VWF: variants seen among roughly 807,000 people sequenced by gnomAD.
VWF encodes von Willebrand factor.
A neutral mutation model predicts 308.6 loss-of-function variants in VWF; 176 were observed. The observed-to-expected ratio is 0.57, with a 90% confidence interval of 0.50 to 0.65. The LOEUF (loss-of-function observed/expected upper bound fraction) is 0.65, where lower values mean the gene tolerates loss of function less well. Ranked by LOEUF, VWF falls within the 30% of genes least tolerant of loss-of-function variation. VWF has a pLI of 0.00. For missense variants in VWF, 3,146 were observed against 3,648.2 expected (o/e 0.86, Z 3.55); for synonymous variants, 1,385 against 1,443.4 (o/e 0.96, Z 0.92).
At chr12:6,050,685 C>T (rs926469511) in intron 16 of VWF, among the ~76,000 whole-genome samples, 4 of 152,196 alleles carry the variant, frequency 2.6e-5, no homozygotes, top group East Asian at 1.9e-4. Context: ...CCAGGCTGGG[C>T]GTGGTGGCTC....
chr12:6,024,502 A>G lies in VWF; in HGVS notation c.3223-715T>C, dbSNP rs115725158. ...AGATGCCCAGGATTTCCACCAAACC[A>G]GGGAATGTAAGTATCCTTTGGAGTC... On this transcript the variant is annotated intron_variant, in intron 24 of 51. Coordinates refer to ENST00000261405, the MANE Select transcript of VWF (RefSeq NM_000552.5). The surrounding 1 kb of genome is among the most constrained non-coding windows in gnomAD (Gnocchi z 4.0). 4.2e-3 allele frequency among the ~76,000 whole-genome samples: 638 copies of G among 152,322 alleles called. 1 individual carries two copies. Among genetic ancestry groups the G allele is most frequent in the African/African-American group, 0.014 (600 of 41,578 alleles).
At chr12:6,056,755 C>A in intron 15 of VWF, 102 bp downstream of exon 15, 2 of 1,056,994 alleles carry the variant, frequency 1.9e-6, no homozygotes, top group Admixed American at 4.3e-5. Flanking sequence ...ATGCCCTACG[C>A]CCTCTTTCCA....
chr12:5,989,209 T>C (rs1943711117), intron 38 of VWF, among the ~76,000 whole-genome samples: 1 of 152,184 alleles, frequency 6.6e-6, no homozygotes, highest in African/African-American at 2.4e-5. Context: ...CTGATCCTAC[T>C]CCAAAGACTC....
chr12:6,112,106 G>A (rs770442397), intron 3 of VWF, among the ~76,000 whole-genome samples: 7 of 152,138 alleles, frequency 4.6e-5, no homozygotes, highest in African/African-American at 1.4e-4. Flanking sequence ...TTTACAGATC[G>A]TGTGGGTCAA....
chr12:6,056,303 C>G (rs1194159880), intron 15 of VWF, among the ~76,000 whole-genome samples: 1 of 151,786 alleles, frequency 6.6e-6, no homozygotes, highest in Non-Finnish European at 1.5e-5. Flanking sequence ...TAGATACCAC[C>G]TCTGGTGCCA....
At chr12:6,049,344 G>A (rs1285340713) in intron 16 of VWF, among the ~76,000 whole-genome samples, 1 of 152,186 alleles carries the variant, frequency 6.6e-6, no homozygotes, top group African/African-American at 2.4e-5. Context: ...CAGACATGGA[G>A]AGGTCGCTGA....
chr12:6,044,735 G>T (rs1403312354), intron 17 of VWF, among the ~76,000 whole-genome samples: 1 of 152,156 alleles, frequency 6.6e-6, no homozygotes, highest in Non-Finnish European at 1.5e-5. Flanking sequence ...GCTATAGCAG[G>T]TTACATTGAA....
intron 32 of VWF, 151 bp downstream of exon 32, chr12:6,013,330 T>A: frequency 2.0e-6 from 2 of 980,808 alleles, no homozygotes; most frequent in Middle Eastern, 3.2e-4. Flanking sequence ...AACAGAAACT[T>A]AAAGGTCCTG....
chr12:6,101,219 C>A (rs1352581595), intron 5 of VWF, among the ~76,000 whole-genome samples: 1 of 151,938 alleles, frequency 6.6e-6, no homozygotes, highest in Admixed American at 6.6e-5. Context: ...GCTGATAATC[C>A]CCTTCTCCAG....
At position 5,959,555 on chromosome 12, in the gene VWF, C is replaced by T. The variant is rs143066684; in HGVS notation, c.7888-5961G>A. 4.2e-3 allele frequency among the ~76,000 whole-genome samples: 637 copies of T among 152,168 alleles called. 3 individuals carry two copies. Among genetic ancestry groups the T allele is most frequent in the African/African-American group, 0.014 (589 of 41,522 alleles). ...AATGCACACAGAATATTCACAAAGA[C>T]AGACCAAATTGTGGGCCATAAAAAT... On this transcript the variant is annotated intron_variant, in intron 47 of 51. Coordinates refer to ENST00000261405, the MANE Select transcript of VWF (RefSeq NM_000552.5).
chr12:5,955,374 C>T (rs927801109), intron 47 of VWF, among the ~76,000 whole-genome samples: 24 of 152,086 alleles, frequency 1.6e-4, no homozygotes, highest in Non-Finnish European at 2.9e-4. Flanking sequence ...CCACTCCCCC[C>T]ACCCCACACC....
Position 6,058,340 on chromosome 12 carries a change from CAA to C in VWF, c.1534-298_1534-297del, listed in dbSNP as rs1944615455. On this transcript the variant is annotated intron_variant, in intron 13 of 51. Transcript: ENST00000261405. The surrounding 1 kb of genome is among the most constrained non-coding windows in gnomAD (Gnocchi z 4.9). Reference sequence around the variant, plus strand: ...GATGGAGAAGGGAGGCCCAAAGAGGCAAAGTGACTTGCCTAAGGTCAGGGAGG... The same window carrying C: ...GATGGAGAAGGGAGGCCCAAAGAGGCAGTGACTTGCCTAAGGTCAGGGAGG... Among the ~76,000 whole-genome samples the C allele has an allele frequency of 6.6e-6, 1 of 152,122 alleles. No individual in the cohort carries two copies. The highest frequency in any genetic ancestry group is 2.1e-4 in the South Asian group (1 of 4,828).
In VWF at chr12:5,983,281, T is replaced by C. The variant is rs747714703; in HGVS notation, c.6977-27A>G. 12 of 1,609,164 alleles carry C rather than the reference T, an allele frequency of 7.5e-6. No homozygotes were observed. In the East Asian group the frequency reaches 2.0e-4, roughly 27 times the overall value. On this transcript the variant is annotated intron_variant, in intron 40 of 51. Transcript: ENST00000261405. ...TGAGGGCCAGAAAGAGAGACGTCCA[T>C]GCAGAGTTCAGAAAGGTTACTCTTT... is the stretch of plus-strand genomic sequence containing the variant.
intron 34 of VWF, among the ~76,000 whole-genome samples, chr12:6,000,531 G>A (rs1032974531): frequency 2.6e-5 from 4 of 152,110 alleles, no homozygotes; most frequent in African/African-American, 9.7e-5. Context: ...TAGAGACCCA[G>A]GCGCGGTGGC....
chr12:6,003,359 G>A (rs1478797566), intron 34 of VWF, among the ~76,000 whole-genome samples: 2 of 152,148 alleles, frequency 1.3e-5, no homozygotes, highest in Non-Finnish European at 2.9e-5. Flanking sequence ...TATAAGAGCA[G>A]AGTTTTGTCT....
At chr12:5,949,646 T>TAA in intron 51 of VWF, 140 bp downstream of exon 51, 2 of 902,294 alleles carry the variant, frequency 2.2e-6, no homozygotes, top group African/African-American at 1.7e-5. Context: ...AACATTTGCT[T>TAA]AAAAAAAAAT....
rs199623726 is a variant in VWF, at chr12:6,052,658, G to A, written c.2071C>T (p.Pro691Ser). The part of the protein sequence containing the change: ...EACLEGCFCP[P>S]GLYMDERGDC... ...CCCCTCTCATCCATGTAGAGCCCTGGGGGGCAGAAGCAGCCCTCCAGGCAG... is the reference window on the plus strand; with the variant it reads ...CCCCTCTCATCCATGTAGAGCCCTGAGGGGCAGAAGCAGCCCTCCAGGCAG... The change falls in exon 16 of 52, where the codon CCA becomes TCA. Residue 691 changes from proline to serine, a missense_variant. Coordinates refer to ENST00000261405, the MANE Select transcript of VWF (RefSeq NM_000552.5). The A allele has an allele frequency of 6.2e-7, 1 of 1,614,118 alleles. No individual in the cohort carries two copies. The highest frequency in any genetic ancestry group is 2.2e-5 in the East Asian group (1 of 44,894).
At chr12:6,077,712 G>A (rs1198411012) in intron 6 of VWF, among the ~76,000 whole-genome samples, 1 of 152,156 alleles carries the variant, frequency 6.6e-6, no homozygotes, top group East Asian at 1.9e-4. Context: ...CCACTGTTGT[G>A]GGTCCCGGGA....
intron 16 of VWF, among the ~76,000 whole-genome samples, chr12:6,049,208 G>A (rs188755708): frequency 6.6e-6 from 1 of 152,204 alleles, no homozygotes; most frequent in East Asian, 1.9e-4. Flanking sequence ...AATAAACAGC[G>A]GCACACAGGC....
Sources: allele counts gnomAD v4.1 joint callset (sites outside exome capture counted in the v4.1 genomes callset), GRCh38; gene constraint gnomAD v4.1.1; non-coding constraint Gnocchi (gnomAD v3.1); transcripts MANE v1.5; gene names NCBI Gene and HGNC (gene_info 2026-07-23, HGNC 2026-07-21).